The following ARMC3 variants were observed in gnomAD, a reference collection of about 807,000 sequenced individuals.
ARMC3 encodes the protein armadillo repeat containing 3.
Under a neutral mutation model 90.3 loss-of-function variants are expected in ARMC3, and 74 were observed. The observed-to-expected ratio is 0.82, with a 90% CI of 0.68 to 0.99. ARMC3 has a LOEUF of 0.99. Ranked by LOEUF, ARMC3 falls within the 50% of genes least tolerant of loss-of-function variation. The pLI, the probability that ARMC3 is intolerant of heterozygous loss-of-function variation, is 0.00. For missense variants in ARMC3, 958 were observed against 1,042.8 expected, an observed-to-expected ratio of 0.92 and a Z score of 1.12; for synonymous variants, 334 against 361.8, an observed-to-expected ratio of 0.92 and a Z score of 0.87.
chr10:23,002,564 T>G lies in ARMC3; in HGVS notation c.1562+509T>G, dbSNP rs1482721984. On this transcript the variant is annotated intron_variant, in intron 12 of 18. Coordinates refer to ENST00000298032, the MANE Select transcript of ARMC3 (RefSeq NM_173081.5). ...ATTTCTTTTCTCTTTCTTTCTTTCT[T>G]TCTTTCTTTCTTTCTTTCTTTTTCT... 4.5e-4 allele frequency among the ~76,000 whole-genome samples: 61 copies of G among 136,038 alleles called. 2 individuals are homozygous for G. Among genetic ancestry groups the G allele is most frequent in the African/African-American group, 1.7e-3 (46 of 27,822 alleles). The allele number at this position is 136,038 out of a possible 152,430, so 89.2% of individuals were successfully genotyped here.
Position 22,991,137 on chromosome 10 carries a change from A to T in ARMC3, c.1176-7011A>T, listed in dbSNP as rs576798112. Among the ~76,000 whole-genome samples, 32 of 152,306 alleles carry T rather than the reference A, an allele frequency of 2.1e-4. No homozygotes were observed. In the South Asian group the frequency reaches 6.6e-3, roughly 32 times the overall value. ...GCTTAAGAGGTTGAAAAATGTAAAA[A>T]CTAATAAATTAAAGGTCAGAAAACC... On this transcript the variant is annotated intron_variant, in intron 10 of 18. Transcript: ENST00000298032.
chr10:22,991,213 T>G (rs1019561719), intron 10 of ARMC3, among the ~76,000 whole-genome samples: 9 of 152,222 alleles, frequency 5.9e-5, no homozygotes, highest in Non-Finnish European at 1.5e-5. Context: ...TGAGCAAGTT[T>G]TAGTCTCTCT....
chr10:23,011,396 C>T (rs1249669118), intron 16 of ARMC3, among the ~76,000 whole-genome samples: 1 of 152,140 alleles, frequency 6.6e-6, no homozygotes, highest in Non-Finnish European at 1.5e-5. Flanking sequence ...TGTTGTAAGC[C>T]TCAAGTAAGT....
intron 8 of ARMC3, among the ~76,000 whole-genome samples, chr10:22,976,324 T>G (rs1419635834): frequency 6.6e-6 from 1 of 152,224 alleles, no homozygotes; most frequent in East Asian, 1.9e-4. Flanking sequence ...TTTCACCTGC[T>G]GCACCTGACT....
At chr10:23,015,124 A>T (rs2131516263) in intron 16 of ARMC3, among the ~76,000 whole-genome samples, 1 of 152,316 alleles carries the variant, frequency 6.6e-6, no homozygotes, top group African/African-American at 2.4e-5. Context: ...AAGATCAATT[A>T]CATGTGAAGT....
At chr10:22,981,230 T>G in intron 8 of ARMC3, 110 bp from the exon 9 acceptor site, 1 of 1,068,974 alleles carries the variant, frequency 9.4e-7, no homozygotes, top group Non-Finnish European at 1.3e-6. Context: ...ACTCTGGTAC[T>G]AAAACTACCA....
In ARMC3 at chr10:23,038,146, C is replaced by T. The variant is rs1187313583; in HGVS notation, c.*667C>T. 6.6e-6 allele frequency: 1 copy of T among 152,152 alleles called. No individual in the cohort carries two copies. The highest frequency in any genetic ancestry group is 1.5e-5 in the Non-Finnish European group (1 of 68,018). 9.4% of individuals were successfully genotyped at this position (152,152 alleles called of 1,614,324 possible). A position where few individuals can be genotyped will look rare whatever the true frequency, so the allele number is the denominator to read the frequency against. On this transcript the variant is annotated 3_prime_UTR_variant, in exon 19 of 19. Transcript: ENST00000298032. ...TTCAGCTAAAAACAATTCTGATTTG[C>T]TCTTCCACATTTTAATGCTGGGCCA...
chr10:22,967,549 G>A (rs1156452302), intron 7 of ARMC3, among the ~76,000 whole-genome samples: 3 of 152,120 alleles, frequency 2.0e-5, no homozygotes, highest in Admixed American at 6.6e-5. Flanking sequence ...TGGGAGAAAC[G>A]GCACCATATG....
In ARMC3 at chr10:23,008,267, A is replaced by G; in HGVS notation, c.1830-9A>G. The G allele has an allele frequency of 7.1e-7, 1 of 1,401,584 alleles. No homozygotes were observed. The highest frequency in any genetic ancestry group is 9.7e-7 in the Non-Finnish European group (1 of 1,028,576). 86.8% of individuals were successfully genotyped at this position (1,401,584 alleles called of 1,614,324 possible). A position where few individuals can be genotyped will look rare whatever the true frequency, so the allele number is the denominator to read the frequency against. ...ATCTATATATAATTTTAAATGTGTA[A>G]AATTTTAGTTCTCCACCTTCATCTA... On this transcript the variant is annotated splice_polypyrimidine_tract_variant and intron_variant, in intron 14 of 18. Transcript: ENST00000298032.
intron 10 of ARMC3, among the ~76,000 whole-genome samples, chr10:22,996,566 T>C (rs1471165622): frequency 1.3e-5 from 2 of 152,116 alleles, no homozygotes; most frequent in African/African-American, 2.4e-5. Context: ...CTTTGTGGGA[T>C]GTGGTGTGTT....
intron 13 of ARMC3, among the ~76,000 whole-genome samples, chr10:23,005,160 C>T (rs990323774): frequency 2.7e-5 from 4 of 146,908 alleles, no homozygotes; most frequent in African/African-American, 1.0e-4. Context: ...TTGTGGTGAG[C>T]CGAGATCATA....
At position 22,981,454 on chromosome 10, in the gene ARMC3, G is replaced by T. The variant is rs139325195; in HGVS notation, c.1031G>T (p.Cys344Phe). ...IAASQAISAM[C>F]ENSGSKDFFN... ...GCTTCCCAAGCTATTTCAGCAATGT[G>T]TGAGAATTCAGGCAGCAAAGATTTT... The change falls in exon 9 of 19, where the codon TGT (cysteine) becomes TTT (phenylalanine). Residue 344 changes from cysteine to phenylalanine, a missense_variant. Transcript: ENST00000298032. The T allele has an allele frequency of 1.7e-5, 27 of 1,614,060 alleles. No individual in the cohort carries two copies. The African/African-American group carries it at 3.1e-4, about 18-fold the overall frequency.
intron 2 of ARMC3, among the ~76,000 whole-genome samples, chr10:22,939,418 G>A (rs542078198): frequency 3.3e-5 from 5 of 152,216 alleles, no homozygotes; most frequent in South Asian, 4.1e-4. Context: ...AGCTCACACC[G>A]GTCTGGGAAG....
chr10:22,963,378 GT>G (rs1225575810), intron 7 of ARMC3, among the ~76,000 whole-genome samples: 1 of 152,088 alleles, frequency 6.6e-6, no homozygotes, highest in Non-Finnish European at 1.5e-5. Context: ...TGTGAGAAGG[GT>G]TTTTTAAGAA....
intron 8 of ARMC3, among the ~76,000 whole-genome samples, chr10:22,972,989 C>T (rs961424883): frequency 2.0e-5 from 3 of 152,070 alleles, no homozygotes; most frequent in Non-Finnish European, 4.4e-5. Context: ...CAAAGTTCCT[C>T]ATTTTAATTT....
intron 16 of ARMC3, among the ~76,000 whole-genome samples, chr10:23,018,770 C>G (rs2219797): frequency 0.54 from 81,590 of 151,992 alleles, 23,816 homozygotes; most frequent in Non-Finnish European, 0.64. Context: ...CCCGCCTTGG[C>G]CTCCCAAAGT....
In ARMC3 at chr10:22,946,061, CTTTAAGT is replaced by C. The variant is rs994060165; in HGVS notation, c.49-76_49-70del. The C allele has an allele frequency of 2.1e-5, 21 of 987,742 alleles. No homozygotes were observed. In the East Asian group the frequency reaches 3.5e-4, roughly 17 times the overall value. The allele number at this position is 987,742 out of a possible 1,614,324, so 61.2% of individuals were successfully genotyped here. A position where few individuals can be genotyped will look rare whatever the true frequency, so the allele number is the denominator to read the frequency against. On this transcript the variant is annotated intron_variant, in intron 2 of 18. Coordinates refer to ENST00000298032, the MANE Select transcript of ARMC3 (RefSeq NM_173081.5). ...CATCCTTTTTGCAAGATTACATTTT[CTTTAAGT>C]TTTAAGACCCATTCATTTTTAATGT...
Position 23,037,900 on chromosome 10 carries a change from T to G in ARMC3, c.*421T>G, listed in dbSNP as rs1235054195. On this transcript the variant is annotated 3_prime_UTR_variant, in exon 19 of 19. Transcript: ENST00000298032. ...AAGCAAACTAAGTGAATTTTTAGTA[T>G]TTGCAATCACCTTGTCTCAGTTTCA... The G allele has an allele frequency of 6.5e-6, 1 of 154,746 alleles. No homozygotes were observed. The highest frequency in any genetic ancestry group is 1.4e-5 in the Non-Finnish European group (1 of 69,912). 9.6% of individuals were successfully genotyped at this position (154,746 alleles called of 1,614,324 possible).
intron 12 of ARMC3, 123 bp from the exon 13 acceptor site, chr10:23,003,123 G>A: frequency 1.3e-6 from 1 of 771,362 alleles, no homozygotes; most frequent in Non-Finnish European, 2.0e-6. Context: ...TATCTAAGAG[G>A]GTGGGGGAGG....
Sources: allele counts gnomAD v4.1 joint callset (sites outside exome capture counted in the v4.1 genomes callset), GRCh38; gene constraint gnomAD v4.1.1; transcripts MANE v1.5; gene names NCBI Gene and HGNC (gene_info 2026-07-23, HGNC 2026-07-21).